CADM2: variants seen among roughly 807,000 people sequenced by gnomAD.
CADM2 encodes cell adhesion molecule 2, also known as immunoglobulin superfamily member 4D.
CADM2 carries 12 observed loss-of-function variants against 49.8 expected under a neutral mutation model. That is an observed-to-expected ratio of 0.24 (90% CI 0.15 to 0.39). The LOEUF (loss-of-function observed/expected upper bound fraction) is 0.39. Ranked by LOEUF, CADM2 falls within the 10% of genes least tolerant of loss-of-function variation. CADM2 has a pLI of 1.00. For synonymous variants in CADM2, 214 were observed against 175.4 expected (o/e 1.22, Z -1.74); for missense variants, 378 against 492.3 (o/e 0.77, Z 2.20).
At chr3:85,130,136 T>C (rs2039175099) in intron 1 of CADM2, among the ~76,000 whole-genome samples, 1 of 152,232 alleles carries the variant, frequency 6.6e-6, no homozygotes, top group Non-Finnish European at 1.5e-5. Flanking sequence ...GACTCACTTA[T>C]TTAAAGACTT....
chr3:85,033,875 C>G (rs1000352615), intron 1 of CADM2, among the ~76,000 whole-genome samples: 2 of 152,078 alleles, frequency 1.3e-5, no homozygotes, highest in African/African-American at 4.8e-5. Flanking sequence ...GTTTTGAAAC[C>G]CACTTCTGAG....
intron 4 of CADM2, 116 bp from the exon 5 acceptor site, chr3:85,886,074 G>T (rs898794063): frequency 2.1e-6 from 3 of 1,461,042 alleles, no homozygotes; most frequent in East Asian, 2.4e-5. Flanking sequence ...TGTTCATCTT[G>T]ATCGAACTTC....
At chr3:84,996,806 T>A (rs1361766129) in intron 1 of CADM2, among the ~76,000 whole-genome samples, 1 of 152,104 alleles carries the variant, frequency 6.6e-6, no homozygotes, top group African/African-American at 2.4e-5. Context: ...GTCCTCTGGA[T>A]CAGTTTCTCT....
chr3:85,036,034 C>A (rs372059643), intron 1 of CADM2, among the ~76,000 whole-genome samples: 1 of 152,166 alleles, frequency 6.6e-6, no homozygotes, highest in Non-Finnish European at 1.5e-5. Flanking sequence ...GACTATGTAT[C>A]ACTATCCCTC....
intron 1 of CADM2, among the ~76,000 whole-genome samples, chr3:85,259,156 A>G (rs1486318932): frequency 6.6e-6 from 1 of 152,144 alleles, no homozygotes; most frequent in Non-Finnish European, 1.5e-5. Flanking sequence ...GTCTTTGCTT[A>G]CCATTTAGTA....
At chr3:85,489,867 G>A (rs1372540810) in intron 1 of CADM2, among the ~76,000 whole-genome samples, 1 of 151,456 alleles carries the variant, frequency 6.6e-6, no homozygotes, top group African/African-American at 2.4e-5. Context: ...CGAAATTCAG[G>A]GGAAAGAAAC....
chr3:84,964,779 T>C (rs2030844602), intron 1 of CADM2, among the ~76,000 whole-genome samples: 1 of 152,222 alleles, frequency 6.6e-6, no homozygotes, highest in Admixed American at 6.5e-5. Flanking sequence ...TTTTAGTAGA[T>C]GCATAAACAG....
At chr3:85,761,735 T>C (rs571520136) in intron 2 of CADM2, among the ~76,000 whole-genome samples, 3 of 152,228 alleles carry the variant, frequency 2.0e-5, no homozygotes, top group African/African-American at 4.8e-5. Flanking sequence ...ATTTCAACCA[T>C]TGGGAAAAGA....
At chr3:85,239,789 A>G (rs1012138372) in intron 1 of CADM2, among the ~76,000 whole-genome samples, 4 of 151,314 alleles carry the variant, frequency 2.6e-5, no homozygotes, top group Admixed American at 6.6e-5. Flanking sequence ...TTATTTTATA[A>G]TTTTATTTTA....
At chr3:85,705,046 T>A (rs1160949407) in intron 1 of CADM2, among the ~76,000 whole-genome samples, 8 of 137,018 alleles carry the variant, frequency 5.8e-5, no homozygotes, top group Non-Finnish European at 7.8e-5. Context: ...TTTTTTTTTT[T>A]AAATAGAGAC....
rs145495132 is a variant in CADM2 at position 86,006,009 on chromosome 3, G to T, written c.970+44362G>T. ...CCTGGCTTATTTCACTGAACATAAT[G>T]ATCTCCAGTTCCATCCATGTTGTTG... On this transcript the variant is annotated intron_variant, in intron 8 of 9. Coordinates refer to ENST00000383699, the MANE Select transcript of CADM2 (RefSeq NM_001167675.2). Among the ~76,000 whole-genome samples, 282 of 152,264 alleles carry T rather than the reference G, an allele frequency of 1.9e-3. 2 individuals are homozygous for T. The highest frequency in any genetic ancestry group is 6.5e-3 in the African/African-American group (268 of 41,548).
At chr3:85,534,229 G>A (rs2061379632) in intron 1 of CADM2, among the ~76,000 whole-genome samples, 1 of 151,950 alleles carries the variant, frequency 6.6e-6, no homozygotes, top group South Asian at 2.1e-4. Flanking sequence ...CTTAACTCTT[G>A]CCATTTACTT....
intron 1 of CADM2, among the ~76,000 whole-genome samples, chr3:85,151,167 T>G (rs2039911393): frequency 6.6e-6 from 1 of 152,090 alleles, no homozygotes. Flanking sequence ...ATGTTGCCTT[T>G]GATTTTGGGA....
intron 8 of CADM2, among the ~76,000 whole-genome samples, chr3:86,017,014 A>T (rs1203957478): frequency 6.6e-6 from 1 of 151,978 alleles, no homozygotes; most frequent in Non-Finnish European, 1.5e-5. Flanking sequence ...AGAAAAATAC[A>T]ATAATCATTT....
rs149507178 is a variant in CADM2, at chr3:85,420,523, T to C, written c.62-305999T>C. On this transcript the variant is annotated intron_variant, in intron 1 of 9. Coordinates refer to ENST00000383699, the MANE Select transcript of CADM2 (RefSeq NM_001167675.2). The stretch of plus-strand genomic sequence containing the variant: ...GGGGGAAAAAAATTATAGCCCCAAC[T>C]ACTCCTCTGGAGCAAAACACATAAT... 3.1e-3 allele frequency among the ~76,000 whole-genome samples: 466 copies of C among 152,300 alleles called. 3 individuals are homozygous for C. Among genetic ancestry groups the C allele is most frequent in the African/African-American group, 9.9e-3 (411 of 41,568 alleles).
chr3:85,578,566 A>T (rs2062709249), intron 1 of CADM2, among the ~76,000 whole-genome samples: 2 of 152,182 alleles, frequency 1.3e-5, no homozygotes, highest in Non-Finnish European at 2.9e-5. Flanking sequence ...AGCACTTGAA[A>T]CCATAATTTA....
chr3:85,091,329 C>A (rs1338114972), intron 1 of CADM2, among the ~76,000 whole-genome samples: 1 of 151,806 alleles, frequency 6.6e-6, no homozygotes, highest in African/African-American at 2.4e-5. Context: ...GTAAAGAAAC[C>A]CTATAGCTTT....
At position 85,705,231 on chromosome 3, in the gene CADM2, GAA is replaced by G. The variant is rs56832861; in HGVS notation, c.62-21279_62-21278del. On this transcript the variant is annotated intron_variant, in intron 1 of 9. Transcript: ENST00000383699. ...ATAATGGGGTTCAAGTTTTCATCAT[GAA>G]AAAAAAAAAAAGAAATAAGCAAGGA... 8.5e-4 allele frequency among the ~76,000 whole-genome samples: 119 copies of G among 139,770 alleles called. 1 individual carries two copies. Among genetic ancestry groups the G allele is most frequent in the East Asian group, 7.9e-3 (38 of 4,806 alleles). The allele number at this position is 139,770 out of a possible 152,430, so 91.7% of individuals were successfully genotyped here. A position where few individuals can be genotyped will look rare whatever the true frequency, so the allele number is the denominator to read the frequency against.
At chr3:85,581,540 A>G (rs1245879165) in intron 1 of CADM2, among the ~76,000 whole-genome samples, 2 of 152,174 alleles carry the variant, frequency 1.3e-5, no homozygotes. Flanking sequence ...GTCATTTTAA[A>G]AGTATATTTT....
Sources: allele counts gnomAD v4.1 joint callset (sites outside exome capture counted in the v4.1 genomes callset), GRCh38; gene constraint gnomAD v4.1.1; transcripts MANE v1.5; gene names NCBI Gene and HGNC (gene_info 2026-07-23, HGNC 2026-07-21).